Variants in ULK4 observed in about 807,000 individuals in gnomAD.
The protein encoded by ULK4 is unc-51 like kinase 4.
ULK4 carries 133 observed loss-of-function variants against 160.6 expected under a neutral mutation model. The observed-to-expected ratio is 0.83, with a 90% CI of 0.72 to 0.96. ULK4 has a LOEUF of 0.96. Ranked by LOEUF, ULK4 falls within the 40% of genes least tolerant of loss-of-function variation. The pLI is 0.00. For synonymous variants in ULK4, 534 were observed against 539.8 expected, an observed-to-expected ratio of 0.99 and a Z score of 0.15; for missense variants, 1,580 against 1,499.5, an observed-to-expected ratio of 1.05 and a Z score of -0.89.
intron 34 of ULK4, among the ~76,000 whole-genome samples, chr3:41,423,272 T>G (rs964338808): frequency 6.6e-6 from 1 of 152,128 alleles, no homozygotes; most frequent in Non-Finnish European, 1.5e-5. Flanking sequence ...TTTAATCACT[T>G]CTATATTGCT....
intron 30 of ULK4, among the ~76,000 whole-genome samples, chr3:41,633,378 A>G (rs2033824263): frequency 6.6e-6 from 1 of 152,186 alleles, no homozygotes; most frequent in African/African-American, 2.4e-5. Flanking sequence ...TTTGGAACAC[A>G]ATCCTGTGTA....
chr3:41,303,774 G>A (rs1239251609), intron 35 of ULK4, among the ~76,000 whole-genome samples: 1 of 152,070 alleles, frequency 6.6e-6, no homozygotes, highest in East Asian at 1.9e-4. Flanking sequence ...ATCTGTGCTG[G>A]GAGGTAAGCT....
chr3:41,864,909 C>T (rs1404569015), intron 17 of ULK4, among the ~76,000 whole-genome samples: 2 of 152,046 alleles, frequency 1.3e-5, no homozygotes, highest in South Asian at 2.1e-4. Flanking sequence ...TGCCCAGATT[C>T]CCCCCAGGAT....
intron 6 of ULK4, among the ~76,000 whole-genome samples, chr3:41,919,240 A>G (rs1263162233): frequency 6.6e-6 from 1 of 152,208 alleles, no homozygotes; most frequent in Non-Finnish European, 1.5e-5. Context: ...AGAACTTTCT[A>G]GGAATCTGCA....
rs1256724246 is a variant in ULK4 at position 41,531,840 on chromosome 3, G to A, written c.3226+34185C>T. Among the ~76,000 whole-genome samples, 7 of 152,260 alleles carry A rather than the reference G, an allele frequency of 4.6e-5. No individual in the cohort carries two copies. The South Asian group carries it at 1.0e-3, about 23-fold the overall frequency. ...CAAAGGTGGAGTATGCTGCCTTGTA[G>A]GAAAAAGGATTTTCTAACCCCAGAT... is the stretch of plus-strand genomic sequence containing the variant. On this transcript the variant is annotated intron_variant, in intron 32 of 36. Transcript: ENST00000301831.
chr3:41,916,195 C>T (rs1458796891), intron 7 of ULK4, 143 bp from the exon 8 acceptor site: 1 of 561,306 alleles, frequency 1.8e-6, no homozygotes, highest in Non-Finnish European at 3.1e-6. Flanking sequence ...CCATTAACAA[C>T]AATTATATCC....
At chr3:41,522,405 G>A (rs2085963199) in intron 32 of ULK4, among the ~76,000 whole-genome samples, 1 of 152,030 alleles carries the variant, frequency 6.6e-6, no homozygotes, top group African/African-American at 2.4e-5. Flanking sequence ...CTCCCAAAGT[G>A]CTGGGATTTC....
intron 17 of ULK4, among the ~76,000 whole-genome samples, chr3:41,843,157 T>C (rs899886250): frequency 1.3e-5 from 2 of 152,138 alleles, no homozygotes; most frequent in Non-Finnish European, 2.9e-5. Flanking sequence ...ACAGAGACAT[T>C]GTACCAAAGA....
intron 35 of ULK4, among the ~76,000 whole-genome samples, chr3:41,259,047 CAT>C (rs200620474): frequency 0.047 from 6,927 of 148,310 alleles, 239 homozygotes; most frequent in Non-Finnish European, 0.073. Flanking sequence ...CGTATACACA[CAT>C]ATATGTATAT....
chr3:41,435,735 T>C (rs2083018390), intron 34 of ULK4, among the ~76,000 whole-genome samples: 1 of 152,044 alleles, frequency 6.6e-6, no homozygotes. Context: ...TCACCAGAGG[T>C]CAGGAGTTCA....
intron 17 of ULK4, among the ~76,000 whole-genome samples, chr3:41,845,208 A>G (rs1281287289): frequency 6.6e-6 from 1 of 151,848 alleles, no homozygotes; most frequent in Non-Finnish European, 1.5e-5. Flanking sequence ...CTCGTGATCC[A>G]CCCGTCTCGG....
intron 31 of ULK4, among the ~76,000 whole-genome samples, chr3:41,611,626 A>C (rs746917439): frequency 3.9e-5 from 6 of 152,102 alleles, no homozygotes; most frequent in Non-Finnish European, 7.4e-5. Flanking sequence ...TGACTGAAGG[A>C]GCATGGACAC....
chr3:41,257,192 C>A (rs1453986794), intron 35 of ULK4, among the ~76,000 whole-genome samples: 2 of 152,120 alleles, frequency 1.3e-5, no homozygotes, highest in Non-Finnish European at 1.5e-5. Flanking sequence ...AACTGCAGTG[C>A]AATACCTATT....
intron 21 of ULK4, among the ~76,000 whole-genome samples, chr3:41,774,088 C>T (rs2039512231): frequency 1.3e-5 from 2 of 151,966 alleles, no homozygotes; most frequent in South Asian, 2.1e-4. Flanking sequence ...GGATTAAAGA[C>T]TTAAATGTTA....
At chr3:41,911,861 TCCAGGCTAAGG>T (rs1295815226) in intron 9 of ULK4, among the ~76,000 whole-genome samples, 2 of 152,110 alleles carry the variant, frequency 1.3e-5, no homozygotes, top group Non-Finnish European at 2.9e-5. Flanking sequence ...TCCCTCAAGA[TCCAGGCTAAGG>T]CCAGGCGTGG....
intron 35 of ULK4, among the ~76,000 whole-genome samples, chr3:41,375,000 G>A (rs199945971): frequency 4.9e-5 from 7 of 142,116 alleles, no homozygotes; most frequent in African/African-American, 1.9e-4. Context: ...GTAACAGACA[G>A]AGAGCCAAAT....
intron 1 of ULK4, 70 bp from the exon 2 acceptor site, chr3:41,954,877 AGCCTAGGAT>A: frequency 2.0e-6 from 2 of 1,009,382 alleles, no homozygotes; most frequent in Non-Finnish European, 2.8e-6. Context: ...TAGGATAATT[AGCCTAGGAT>A]ATTATATGTG....
chr3:41,504,908 T>C (rs973806573), intron 32 of ULK4, among the ~76,000 whole-genome samples: 2 of 152,182 alleles, frequency 1.3e-5, no homozygotes, highest in Non-Finnish European at 2.9e-5. Context: ...GAAACAAGCA[T>C]ATTCTCAATG....
At chr3:41,948,276 C>T (rs1309050121) in intron 2 of ULK4, among the ~76,000 whole-genome samples, 1 of 152,066 alleles carries the variant, frequency 6.6e-6, no homozygotes, top group African/African-American at 2.4e-5. Context: ...CATGGTGAAA[C>T]CCCATCTCTA....
Sources: gnomAD v4.1 joint callset for allele counts (sites outside exome capture counted in the v4.1 genomes callset) on GRCh38, gnomAD v4.1.1 for gene constraint, MANE v1.5 for transcripts, NCBI Gene and HGNC (gene_info 2026-07-23, HGNC 2026-07-21) for gene names.